Variants in ARHGAP42 observed in about 807,000 individuals in gnomAD.
ARHGAP42 encodes Rho GTPase activating protein 42.
A neutral mutation model predicts 125.0 loss-of-function variants in ARHGAP42; 63 were observed. That is an observed-to-expected ratio of 0.50 (90% CI 0.41 to 0.62). The LOEUF is 0.62. ARHGAP42 is among the 20% of genes least tolerant of loss of function. ARHGAP42 has a pLI of 0.00. For synonymous variants in ARHGAP42, 339 were observed against 351.0 expected (o/e 0.97, Z 0.38); for missense variants, 766 against 1,024.2 (o/e 0.75, Z 3.44).
chr11:100,835,302 T>C (rs1328632446), intron 3 of ARHGAP42, among the ~76,000 whole-genome samples: 3 of 152,184 alleles, frequency 2.0e-5, no homozygotes. Context: ...TTATATTCTG[T>C]ATATACATTA....
intron 3 of ARHGAP42, among the ~76,000 whole-genome samples, chr11:100,795,854 G>A (rs1863697411): frequency 6.6e-6 from 1 of 152,190 alleles, no homozygotes; most frequent in African/African-American, 2.4e-5. Context: ...CTGGCACATA[G>A]TAAATACATT....
chr11:100,774,758 T>C (rs1863077268), intron 2 of ARHGAP42, among the ~76,000 whole-genome samples: 1 of 152,218 alleles, frequency 6.6e-6, no homozygotes, highest in Admixed American at 6.5e-5. Flanking sequence ...TGCCTAATTA[T>C]GAAAGTTGTT....
intron 7 of ARHGAP42, among the ~76,000 whole-genome samples, chr11:100,935,444 C>G (rs1867707580): frequency 6.6e-6 from 1 of 152,108 alleles, no homozygotes; most frequent in Non-Finnish European, 1.5e-5. Context: ...TGGTAACAAA[C>G]TTCTTTTCTT....
At chr11:100,893,158 G>GGGGTGTGT (rs1555018918) in intron 4 of ARHGAP42, among the ~76,000 whole-genome samples, 3 of 146,988 alleles carry the variant, frequency 2.0e-5, no homozygotes, top group Non-Finnish European at 3.0e-5. Flanking sequence ...AACATTTAGG[G>GGGGTGTGT]GTGTGTGTGT....
rs1491435882 is a variant in ARHGAP42, at chr11:100,837,667, T to TA, written c.313-21887_313-21886insA. Reference sequence around the variant, plus strand: ...AGTTCCCAGAATCTAGGTGTCATCCTTTTTTTTTTTTTTTTTTTTTTTTTT... The same window carrying TA: ...AGTTCCCAGAATCTAGGTGTCATCCTATTTTTTTTTTTTTTTTTTTTTTTTT... On this transcript the variant is annotated intron_variant, in intron 3 of 23. Coordinates refer to ENST00000298815, the MANE Select transcript of ARHGAP42 (RefSeq NM_152432.4). 8.3e-4 allele frequency among the ~76,000 whole-genome samples: 53 copies of TA among 63,724 alleles called. 1 individual carries two copies. Among genetic ancestry groups the TA allele is most frequent in the African/African-American group, 1.1e-3 (16 of 14,584 alleles). The allele number at this position is 63,724 out of a possible 152,430, so 41.8% of individuals were successfully genotyped here. A position where few individuals can be genotyped will look rare whatever the true frequency, so the allele number is the denominator to read the frequency against.
At chr11:100,740,600 T>A (rs1203874391) in intron 1 of ARHGAP42, among the ~76,000 whole-genome samples, 3 of 152,178 alleles carry the variant, frequency 2.0e-5, no homozygotes, top group Non-Finnish European at 4.4e-5. Flanking sequence ...GAATGGAATG[T>A]GTAGAGGAAA....
rs1337826312 is a variant in ARHGAP42 at position 100,992,028 on chromosome 11, C to T, written c.*3227C>T. The T allele has an allele frequency of 2.8e-6, 1 of 351,078 alleles. No homozygotes were observed. The highest frequency in any genetic ancestry group is 2.1e-5 in the African/African-American group (1 of 47,988). The allele number at this position is 351,078 out of a possible 1,614,324, so 21.7% of individuals were successfully genotyped here. On this transcript the variant is annotated 3_prime_UTR_variant, in exon 24 of 24. Coordinates refer to ENST00000298815, the MANE Select transcript of ARHGAP42 (RefSeq NM_152432.4). Reference sequence around the variant, plus strand: ...AGGCAAACAGATTTCTCACTATCATCCAGTGTACCCTGCTCACCTTCTCAC... The same window carrying T: ...AGGCAAACAGATTTCTCACTATCATTCAGTGTACCCTGCTCACCTTCTCAC...
chr11:100,770,256 C>A, intron 1 of ARHGAP42, 87 bp from the exon 2 acceptor site: 3 of 893,504 alleles, frequency 3.4e-6, no homozygotes, highest in South Asian at 3.7e-5. Context: ...AATACAAAAT[C>A]AAAGTTATAT....
Position 100,843,695 on chromosome 11 carries a change from C to A in ARHGAP42, c.313-15859C>A, listed in dbSNP as rs192728338. Among the ~76,000 whole-genome samples, 77 of 152,052 alleles carry A rather than the reference C, an allele frequency of 5.1e-4. No homozygotes were observed. The South Asian group carries it at 5.4e-3, about 11-fold the overall frequency. On this transcript the variant is annotated intron_variant, in intron 3 of 23. Coordinates refer to ENST00000298815, the MANE Select transcript of ARHGAP42 (RefSeq NM_152432.4). ...GAGCATCAAATCAAGAACTCAATCCCTTTTACAATAGCAGGAAAAAAAAAT... is the reference window on the plus strand; with the variant it reads ...GAGCATCAAATCAAGAACTCAATCCATTTTACAATAGCAGGAAAAAAAAAT...
chr11:100,877,592 T>A (rs1181733868), intron 4 of ARHGAP42, among the ~76,000 whole-genome samples: 2 of 152,222 alleles, frequency 1.3e-5, no homozygotes, highest in African/African-American at 4.8e-5. Flanking sequence ...TTCCAGAGAT[T>A]CAGTTGTTTC....
chr11:100,815,370 C>T (rs894075044), intron 3 of ARHGAP42, among the ~76,000 whole-genome samples: 2 of 152,136 alleles, frequency 1.3e-5, no homozygotes, highest in Non-Finnish European at 2.9e-5. Context: ...AAAAATCACC[C>T]TTTTTAAGGC....
chr11:100,987,385 A>G, intron 22 of ARHGAP42, 128 bp from the exon 23 acceptor site: 1 of 735,344 alleles, frequency 1.4e-6, no homozygotes. Context: ...GTACACTCAT[A>G]TATGCACTTT....
chr11:100,928,680 C>A (rs1182069215), intron 6 of ARHGAP42, among the ~76,000 whole-genome samples: 1 of 152,126 alleles, frequency 6.6e-6, no homozygotes, highest in Non-Finnish European at 1.5e-5. Flanking sequence ...AGTATATTCA[C>A]AGATCTGTGC....
intron 3 of ARHGAP42, among the ~76,000 whole-genome samples, chr11:100,808,827 A>G (rs1012341005): frequency 1.3e-5 from 2 of 152,248 alleles, no homozygotes; most frequent in African/African-American, 4.8e-5. Context: ...TTGTTATAAT[A>G]GTAATTAAAA....
intron 5 of ARHGAP42, among the ~76,000 whole-genome samples, chr11:100,914,457 CA>C (rs944860309): frequency 3.3e-5 from 5 of 150,272 alleles, no homozygotes; most frequent in East Asian, 4.1e-4. Context: ...AAAGTGTGTC[CA>C]AAAAAAATAA....
intron 1 of ARHGAP42, among the ~76,000 whole-genome samples, chr11:100,712,524 C>T (rs1486679824): frequency 6.6e-6 from 1 of 152,140 alleles, no homozygotes; most frequent in Non-Finnish European, 1.5e-5. Context: ...TCTTCCTCCC[C>T]CCTTCTCCCC....
chr11:100,967,533 T>A (rs1027248348), intron 17 of ARHGAP42, among the ~76,000 whole-genome samples: 1 of 152,204 alleles, frequency 6.6e-6, no homozygotes, highest in African/African-American at 2.4e-5. Flanking sequence ...TCGATGTTTT[T>A]AATTCAATAA....
At chr11:100,921,202 AATATATATATACATATATATATATATAT>A (rs1867236432) in intron 5 of ARHGAP42, among the ~76,000 whole-genome samples, 46 of 39,280 alleles carry the variant, frequency 1.2e-3, no homozygotes, top group Non-Finnish European at 1.9e-3. Context: ...CCCCTCTTGT[AATATATATATACATATATATATATATAT>A]ATATATATAT....
chr11:100,929,080 G>A (rs1487027001), intron 6 of ARHGAP42, among the ~76,000 whole-genome samples: 1 of 152,050 alleles, frequency 6.6e-6, no homozygotes, highest in South Asian at 2.1e-4. Flanking sequence ...AACCTTTTTG[G>A]CACCAGAGAC....
Sources: gnomAD v4.1 joint callset for allele counts (sites outside exome capture counted in the v4.1 genomes callset) on GRCh38, gnomAD v4.1.1 for gene constraint, MANE v1.5 for transcripts, NCBI Gene and HGNC (gene_info 2026-07-23, HGNC 2026-07-21) for gene names.